GALNT13: variants seen among roughly 807,000 people sequenced by gnomAD.
The protein encoded by GALNT13 is polypeptide N-acetylgalactosaminyltransferase 13.
GALNT13 carries 28 observed loss-of-function variants against 64.2 expected under a neutral mutation model. The ratio of observed to expected loss-of-function variants is 0.44; its 90% CI spans 0.32 to 0.60. The LOEUF is 0.60. Ranked by LOEUF, GALNT13 falls within the 20% of genes least tolerant of loss-of-function variation. The probability of loss-of-function intolerance (pLI) is 0.05; values close to 1 mark genes in which losing one functional copy is unlikely to be tolerated. For synonymous variants in GALNT13, 214 were observed against 224.6 expected (o/e 0.95, Z 0.42); for missense variants, 577 against 669.8 (o/e 0.86, Z 1.53).
At chr2:154,061,345 T>C (rs1254750302) in intron 3 of GALNT13, among the ~76,000 whole-genome samples, 1 of 152,200 alleles carries the variant, frequency 6.6e-6, no homozygotes, top group Non-Finnish European at 1.5e-5. Context: ...CTTTCCGCCA[T>C]GTGACCTGAC....
the GALNT13 span, among the ~76,000 whole-genome samples, chr2:153,210,936 A>G: frequency 6.6e-6 from 1 of 152,184 alleles, no homozygotes; most frequent in Non-Finnish European, 1.5e-5. Context: ...AGTAATAATT[A>G]TAGTGACATA....
chr2:153,912,625 G>T (rs1689034737), intron 2 of GALNT13, among the ~76,000 whole-genome samples: 1 of 151,990 alleles, frequency 6.6e-6, no homozygotes, highest in Non-Finnish European at 1.5e-5. Flanking sequence ...TTTAATTGTG[G>T]TATAAGGTGT....
chr2:153,467,237 G>C, the GALNT13 span, among the ~76,000 whole-genome samples: 1 of 151,936 alleles, frequency 6.6e-6, no homozygotes, highest in African/African-American at 2.4e-5. Context: ...TATATAATTG[G>C]ACAAGTTGAG....
At chr2:153,484,483 T>A in the GALNT13 span, among the ~76,000 whole-genome samples, 5 of 152,346 alleles carry the variant, frequency 3.3e-5, no homozygotes, top group African/African-American at 1.2e-4. Context: ...AGTTTACAAA[T>A]TGAAATTTTT....
the GALNT13 span, among the ~76,000 whole-genome samples, chr2:153,137,380 AC>A: frequency 2.0e-5 from 3 of 152,054 alleles, no homozygotes; most frequent in Admixed American, 1.3e-4. Flanking sequence ...ATGTGGTCGG[AC>A]CTTTGAGCTT....
At chr2:153,833,624 A>G in the GALNT13 span, among the ~76,000 whole-genome samples, 33 of 152,276 alleles carry the variant, frequency 2.2e-4, no homozygotes, top group Admixed American at 1.2e-3. Context: ...TGGAGAAAAC[A>G]TGATGTACAT....
At chr2:153,300,347 G>C in the GALNT13 span, among the ~76,000 whole-genome samples, 1 of 152,044 alleles carries the variant, frequency 6.6e-6, no homozygotes, top group Non-Finnish European at 1.5e-5. Context: ...TCAAGCTACA[G>C]TATACGGTAA....
At chr2:154,299,366 A>C (rs1290795055) in intron 8 of GALNT13, among the ~76,000 whole-genome samples, 1 of 151,986 alleles carries the variant, frequency 6.6e-6, no homozygotes, top group East Asian at 1.9e-4. Context: ...CCATTTTAAC[A>C]GGAAGAATGT....
chr2:154,378,056 G>A (rs901271668), intron 9 of GALNT13, among the ~76,000 whole-genome samples: 6 of 151,992 alleles, frequency 3.9e-5, no homozygotes, highest in Non-Finnish European at 8.8e-5. Flanking sequence ...CTTATGGAGT[G>A]CCCCCAACCT....
At chr2:154,160,465 C>T (rs1056500859) in intron 4 of GALNT13, among the ~76,000 whole-genome samples, 8 of 152,068 alleles carry the variant, frequency 5.3e-5, no homozygotes, top group African/African-American at 1.9e-4. Context: ...TGACTCCTTA[C>T]CACATCCAAA....
chr2:153,712,464 A>C, the GALNT13 span, among the ~76,000 whole-genome samples: 1 of 152,188 alleles, frequency 6.6e-6, no homozygotes, highest in Non-Finnish European at 1.5e-5. Flanking sequence ...ATCTGCAAGA[A>C]AGAAGAACCT....
the GALNT13 span, among the ~76,000 whole-genome samples, chr2:153,654,846 C>A: frequency 6.6e-6 from 1 of 151,868 alleles, no homozygotes; most frequent in African/African-American, 2.4e-5. Flanking sequence ...GATCTTGGAG[C>A]CAATTCTCCA....
the GALNT13 span, among the ~76,000 whole-genome samples, chr2:153,483,741 A>C: frequency 2.0e-5 from 3 of 152,302 alleles, no homozygotes; most frequent in Admixed American, 2.0e-4. Context: ...TATAGATGTT[A>C]CAACATGTAT....
chr2:153,166,402 G>T, the GALNT13 span, among the ~76,000 whole-genome samples: 1 of 152,248 alleles, frequency 6.6e-6, no homozygotes, highest in African/African-American at 2.4e-5. Context: ...GGTATAATGA[G>T]AAAAACCAGG....
At chr2:153,128,421 G>A in the GALNT13 span, among the ~76,000 whole-genome samples, 1 of 152,056 alleles carries the variant, frequency 6.6e-6, no homozygotes, top group Non-Finnish European at 1.5e-5. Flanking sequence ...ACTGTCATGA[G>A]AACAGCATGG....
chr2:153,415,532 A>G, the GALNT13 span, among the ~76,000 whole-genome samples: 1 of 152,246 alleles, frequency 6.6e-6, no homozygotes, highest in African/African-American at 2.4e-5. Context: ...GTATAAAAGT[A>G]TGAGTACATG....
the GALNT13 span, among the ~76,000 whole-genome samples, chr2:153,679,907 C>G: frequency 6.6e-6 from 1 of 151,942 alleles, no homozygotes; most frequent in Admixed American, 6.6e-5. Flanking sequence ...CTTAAACTTT[C>G]CTTGGTACTA....
At chr2:153,884,718 A>C (rs897921421) in intron 1 of GALNT13, among the ~76,000 whole-genome samples, 3 of 149,744 alleles carry the variant, frequency 2.0e-5, no homozygotes, top group African/African-American at 7.4e-5. Context: ...CAGGAGTTCA[A>C]GACCAGCCTG....
At chr2:154,000,096 C>G (rs1370408656) in intron 3 of GALNT13, among the ~76,000 whole-genome samples, 1 of 151,310 alleles carries the variant, frequency 6.6e-6, no homozygotes, top group East Asian at 1.9e-4. Context: ...TTACCCATTT[C>G]TTCTAAATTT....
Sources: allele counts gnomAD v4.1 joint callset (sites outside exome capture counted in the v4.1 genomes callset), GRCh38; gene constraint gnomAD v4.1.1; transcripts MANE v1.5; gene names NCBI Gene and HGNC (gene_info 2026-07-23, HGNC 2026-07-21).